KIAA1217: variants seen among roughly 807,000 people sequenced by gnomAD.
The protein encoded by KIAA1217 is KIAA1217.
In KIAA1217, 88 loss-of-function variants were observed where a neutral mutation model predicts 163.9. The ratio of observed to expected loss-of-function variants is 0.54; its 90% CI spans 0.45 to 0.64. KIAA1217 has a LOEUF of 0.64. KIAA1217 is among the 30% of genes least tolerant of loss of function. The pLI is 0.00. For synonymous variants in KIAA1217, 903 were observed against 923.1 expected (o/e 0.98, Z 0.39); for missense variants, 2,372 against 2,475.0 (o/e 0.96, Z 0.88).
At chr10:24,095,825 A>G (rs962973134) in intron 2 of KIAA1217, among the ~76,000 whole-genome samples, 9 of 152,160 alleles carry the variant, frequency 5.9e-5, no homozygotes, top group Non-Finnish European at 1.2e-4. Flanking sequence ...CTAAACTTGC[A>G]CCTGGCGTGG....
intron 1 of KIAA1217, among the ~76,000 whole-genome samples, chr10:24,000,570 T>A (rs1409579789): frequency 6.6e-6 from 1 of 152,212 alleles, no homozygotes; most frequent in Admixed American, 6.5e-5. Context: ...ACTAATGCAA[T>A]TAACATCGGG....
At chr10:24,511,647 CA>C (rs1315425340) in intron 9 of KIAA1217, among the ~76,000 whole-genome samples, 1 of 151,278 alleles carries the variant, frequency 6.6e-6, no homozygotes, top group Non-Finnish European at 1.5e-5. Flanking sequence ...AACTCCATCT[CA>C]AAAAAAACAA....
At chr10:24,416,605 A>G (rs2058271154) in intron 3 of KIAA1217, among the ~76,000 whole-genome samples, 2 of 152,224 alleles carry the variant, frequency 1.3e-5, no homozygotes, top group African/African-American at 2.4e-5. Context: ...ATACTTTGAC[A>G]AATTTACCTT....
In KIAA1217 at chr10:24,036,069, G is replaced by C. The variant is rs571528940; in HGVS notation, c.-171+28695G>C. The stretch of plus-strand genomic sequence containing the variant: ...GCGGAGCACAGGGTTACTGCAGGCT[G>C]TGGCCTCGAACCAGCCCCAGGGAGG... On this transcript the variant is annotated intron_variant, in intron 2 of 18. Transcript: ENST00000376462. Among the ~76,000 whole-genome samples, 7 of 152,374 alleles carry C rather than the reference G, an allele frequency of 4.6e-5. No individual in the cohort carries two copies. The East Asian group carries it at 9.6e-4, about 21-fold the overall frequency.
intron 1 of KIAA1217, among the ~76,000 whole-genome samples, chr10:23,946,814 G>C (rs1268580949): frequency 6.6e-6 from 1 of 152,034 alleles, no homozygotes; most frequent in Middle Eastern, 3.2e-3. Context: ...TTATTTTTTT[G>C]AGTAAGAATT....
At chr10:24,472,633 C>T (rs910331788) in intron 5 of KIAA1217, among the ~76,000 whole-genome samples, 1 of 152,168 alleles carries the variant, frequency 6.6e-6, no homozygotes, top group Non-Finnish European at 1.5e-5. Context: ...TTCCTGAAAT[C>T]CCACAAAATT....
intron 2 of KIAA1217, among the ~76,000 whole-genome samples, chr10:24,104,531 G>A (rs1235347279): frequency 1.3e-5 from 2 of 152,174 alleles, no homozygotes; most frequent in Non-Finnish European, 2.9e-5. Context: ...GGATGAATAG[G>A]TGGAGCACAG....
intron 2 of KIAA1217, among the ~76,000 whole-genome samples, chr10:24,048,532 A>G (rs1043145797): frequency 1.3e-5 from 2 of 151,126 alleles, no homozygotes; most frequent in Admixed American, 1.3e-4. Context: ...GGAGTTTGAG[A>G]TCAGCCTGGC....
At chr10:24,055,721 A>T (rs1849846489) in intron 2 of KIAA1217, among the ~76,000 whole-genome samples, 1 of 151,696 alleles carries the variant, frequency 6.6e-6, no homozygotes, top group Middle Eastern at 3.4e-3. Context: ...TTTTTTTCCG[A>T]TAAAACTTCT....
intron 5 of KIAA1217, among the ~76,000 whole-genome samples, chr10:24,461,904 C>T (rs910947558): frequency 6.6e-5 from 10 of 152,060 alleles, no homozygotes; most frequent in African/African-American, 2.4e-4. Context: ...GTGGTGCATG[C>T]ATCTCTGAGG....
chr10:24,425,748 T>A (rs1170918164), intron 3 of KIAA1217, among the ~76,000 whole-genome samples: 2 of 152,204 alleles, frequency 1.3e-5, no homozygotes, highest in African/African-American at 4.8e-5. Flanking sequence ...GTGTAAAAGT[T>A]GAATTAGTGC....
At chr10:24,381,088 T>C in intron 3 of KIAA1217, 21 bp downstream of exon 3, 1 of 1,502,012 alleles carries the variant, frequency 6.7e-7, no homozygotes. Context: ...GAAGGCAGTT[T>C]CTGATGCCCC....
chr10:23,836,783 A>T (rs1215625864), intron 1 of KIAA1217, among the ~76,000 whole-genome samples: 1 of 151,962 alleles, frequency 6.6e-6, no homozygotes, highest in Non-Finnish European at 1.5e-5. Context: ...AAAAAAAATT[A>T]GCCGTGTATG....
intron 2 of KIAA1217, among the ~76,000 whole-genome samples, chr10:24,236,557 A>C (rs2072294378): frequency 6.6e-6 from 1 of 151,618 alleles, no homozygotes; most frequent in Non-Finnish European, 1.5e-5. Flanking sequence ...GTTTCTTAAG[A>C]AACAAAAATT....
intron 1 of KIAA1217, among the ~76,000 whole-genome samples, chr10:23,728,443 G>T (rs1317707099): frequency 6.6e-6 from 1 of 150,900 alleles, no homozygotes; most frequent in African/African-American, 2.4e-5. Context: ...CCATATGTTT[G>T]TTGGCTGCAC....
chr10:23,738,959 A>G (rs1838956180), intron 1 of KIAA1217, among the ~76,000 whole-genome samples: 1 of 152,174 alleles, frequency 6.6e-6, no homozygotes, highest in South Asian at 2.1e-4. Flanking sequence ...TAGGGAAAGG[A>G]GAGAAGAATT....
chr10:24,350,156 CT>C (rs1375448266), intron 2 of KIAA1217, among the ~76,000 whole-genome samples: 1 of 152,162 alleles, frequency 6.6e-6, no homozygotes, highest in Non-Finnish European at 1.5e-5. Flanking sequence ...AACTCATTAC[CT>C]TTTGGCTTGA....
chr10:23,834,221 C>A (rs1422684289), intron 1 of KIAA1217, among the ~76,000 whole-genome samples: 1 of 152,118 alleles, frequency 6.6e-6, no homozygotes, highest in African/African-American at 2.4e-5. Context: ...AGAACCAGAT[C>A]TTATTATGTT....
At chr10:23,948,741 A>C (rs1844177732) in intron 1 of KIAA1217, among the ~76,000 whole-genome samples, 1 of 152,112 alleles carries the variant, frequency 6.6e-6, no homozygotes, top group African/African-American at 2.4e-5. Context: ...TATATATGGC[A>C]CGTGGTAGGC....
Sources: allele counts gnomAD v4.1 joint callset (sites outside exome capture counted in the v4.1 genomes callset), GRCh38; gene constraint gnomAD v4.1.1; transcripts MANE v1.5; gene names NCBI Gene and HGNC (gene_info 2026-07-23, HGNC 2026-07-21).